The following RANBP2 variants were observed in gnomAD, a reference collection of about 807,000 sequenced individuals.
The protein encoded by RANBP2 is E3 SUMO-protein ligase RanBP2.
In RANBP2, 57 loss-of-function variants were observed where a neutral mutation model predicts 303.6. The observed-to-expected ratio is 0.19, with a 90% CI of 0.15 to 0.23. The LOEUF is 0.23. RANBP2 is among the 10% of genes least tolerant of loss of function. RANBP2 has a pLI of 1.00. For synonymous variants in RANBP2, 1,167 were observed against 1,301.5 expected (o/e 0.90, Z 2.23); for missense variants, 3,138 against 3,780.8 (o/e 0.83, Z 4.46).
chr2:108,997,822 C>T, the RANBP2 span, among the ~76,000 whole-genome samples: 1 of 151,990 alleles, frequency 6.6e-6, no homozygotes, highest in Non-Finnish European at 1.5e-5. Flanking sequence ...ACTCGGAGGG[C>T]GGAGGTTGCA....
the RANBP2 span, among the ~76,000 whole-genome samples, chr2:109,343,365 CTT>C: frequency 6.6e-6 from 1 of 150,630 alleles, no homozygotes; most frequent in African/African-American, 2.4e-5. Context: ...TTCCTTGACT[CTT>C]TTTTTTTTCT....
At chr2:108,866,197 G>C in the RANBP2 span, among the ~76,000 whole-genome samples, 1 of 152,130 alleles carries the variant, frequency 6.6e-6, no homozygotes, top group Non-Finnish European at 1.5e-5. Flanking sequence ...GAAGAAGGAA[G>C]GTCCAGGAGT....
the RANBP2 span, chr2:109,432,763 C>A: frequency 2.7e-6 from 4 of 1,469,730 alleles, no homozygotes; most frequent in African/African-American, 4.2e-5. Context: ...ACTCTGTCAG[C>A]CGGGCCCAGA....
the RANBP2 span, among the ~76,000 whole-genome samples, chr2:109,103,791 T>C: frequency 2.0e-5 from 3 of 151,562 alleles, no homozygotes; most frequent in African/African-American, 4.9e-5. Context: ...CTTTTTCTTT[T>C]TCTTTTCTTT....
At chr2:108,781,153 T>A in intron 25 of RANBP2, 116 bp from the exon 26 acceptor site, 1 of 1,087,420 alleles carries the variant, frequency 9.2e-7, no homozygotes, top group Non-Finnish European at 1.4e-6. Flanking sequence ...TTTTAAACAT[T>A]TAAAATTGAT....
the RANBP2 span, among the ~76,000 whole-genome samples, chr2:109,181,153 G>A: frequency 6.6e-6 from 1 of 152,178 alleles, no homozygotes; most frequent in Admixed American, 6.5e-5. Context: ...TCTGTGTTTG[G>A]TGTTGGACTT....
At chr2:109,651,026 A>T in the RANBP2 span, among the ~76,000 whole-genome samples, 12,683 of 152,080 alleles carry the variant, frequency 0.083, 963 homozygotes, top group East Asian at 0.24. Context: ...CTTGCTGCCC[A>T]GTTTCCATTC....
the RANBP2 span, among the ~76,000 whole-genome samples, chr2:109,281,995 A>G: frequency 2.0e-5 from 3 of 152,020 alleles, no homozygotes; most frequent in Admixed American, 2.0e-4. Context: ...GGCTTTCGGG[A>G]TGCTCCAGGG....
At chr2:108,824,536 A>G in the RANBP2 span, among the ~76,000 whole-genome samples, 1 of 152,198 alleles carries the variant, frequency 6.6e-6, no homozygotes, top group Non-Finnish European at 1.5e-5. Flanking sequence ...CTCCTATGAT[A>G]ACAATGCCTT....
the RANBP2 span, among the ~76,000 whole-genome samples, chr2:108,986,407 T>C: frequency 9.8e-3 from 1,487 of 152,292 alleles, 19 homozygotes; most frequent in Middle Eastern, 0.02. Flanking sequence ...TACTCCACTC[T>C]TATTTTTATA....
chr2:109,102,559 C>A, the RANBP2 span, among the ~76,000 whole-genome samples: 2 of 152,204 alleles, frequency 1.3e-5, no homozygotes, highest in African/African-American at 4.8e-5. Flanking sequence ...TTTAATGAGG[C>A]GAGAATAGCA....
the RANBP2 span, among the ~76,000 whole-genome samples, chr2:109,629,781 AGCCTGG>A: frequency 6.6e-6 from 1 of 151,986 alleles, no homozygotes; most frequent in East Asian, 1.9e-4. Flanking sequence ...ACTGCACTTC[AGCCTGG>A]GCAATAGAGC....
the RANBP2 span, among the ~76,000 whole-genome samples, chr2:109,014,744 G>A: frequency 6.6e-6 from 1 of 152,202 alleles, no homozygotes; most frequent in Non-Finnish European, 1.5e-5. Context: ...AGCCAGACAC[G>A]GCTCTAGATC....
At chr2:109,643,525 C>T in the RANBP2 span, among the ~76,000 whole-genome samples, 2 of 152,090 alleles carry the variant, frequency 1.3e-5, no homozygotes, top group Admixed American at 6.5e-5. Context: ...TTTGGGAGGC[C>T]AAGGCTGGCA....
the RANBP2 span, chr2:109,615,248 G>A: frequency 6.4e-7 from 1 of 1,555,278 alleles, no homozygotes; most frequent in African/African-American, 1.4e-5. Context: ...CGTCCGCGGA[G>A]GAGGAGAGCA....
At chr2:108,830,074 G>A in the RANBP2 span, among the ~76,000 whole-genome samples, 1 of 152,158 alleles carries the variant, frequency 6.6e-6, no homozygotes, top group Non-Finnish European at 1.5e-5. Context: ...ACATACACAA[G>A]ACTATTATTC....
At chr2:109,261,265 C>A in the RANBP2 span, among the ~76,000 whole-genome samples, 12 of 152,166 alleles carry the variant, frequency 7.9e-5, no homozygotes, top group Non-Finnish European at 1.6e-4. Context: ...CAGAACAAAG[C>A]AATGATGTGG....
chr2:108,738,994 A>G (rs920915498), intron 6 of RANBP2, among the ~76,000 whole-genome samples: 1 of 152,178 alleles, frequency 6.6e-6, no homozygotes, highest in Non-Finnish European at 1.5e-5. Context: ...AGAAAGTGTC[A>G]TTGCTTTTGC....
At chr2:108,807,057 A>G in the RANBP2 span, among the ~76,000 whole-genome samples, 1 of 152,238 alleles carries the variant, frequency 6.6e-6, no homozygotes, top group Non-Finnish European at 1.5e-5. Flanking sequence ...TAGCAGAGGA[A>G]AATATGTCTT....
Sources: gnomAD v4.1 joint callset for allele counts (sites outside exome capture counted in the v4.1 genomes callset) on GRCh38, gnomAD v4.1.1 for gene constraint, MANE v1.5 for transcripts, NCBI Gene and HGNC (gene_info 2026-07-23, HGNC 2026-07-21) for gene names.